The following MYO18B variants were observed in gnomAD, a reference collection of about 807,000 sequenced individuals.
MYO18B encodes unconventional myosin-XVIIIb.
A neutral mutation model predicts 273.0 loss-of-function variants in MYO18B; 204 were observed. That is an observed-to-expected ratio of 0.75 (90% confidence interval 0.67 to 0.84). The LOEUF (loss-of-function observed/expected upper bound fraction) is 0.84, where lower values mean the gene tolerates loss of function less well. Among genes scored for constraint, MYO18B ranks in the 40% least tolerant of loss-of-function variants. MYO18B has a pLI of 0.00. For missense variants in MYO18B, 3,212 were observed against 3,287.6 expected, an observed-to-expected ratio of 0.98 and a Z score of 0.56; for synonymous variants, 1,330 against 1,305.7, an observed-to-expected ratio of 1.02 and a Z score of -0.40.
intron 25 of MYO18B, among the ~76,000 whole-genome samples, chr22:25,889,251 A>G (rs1445753582): frequency 6.6e-6 from 1 of 152,154 alleles, no homozygotes; most frequent in Admixed American, 6.5e-5. Context: ...GAGCCTGCCT[A>G]AGCTGACAGT....
In MYO18B at chr22:25,952,350, G is replaced by C. The variant is rs749922568; in HGVS notation, c.5897G>C (p.Ser1966Thr). The C allele has an allele frequency of 1.1e-5, 17 of 1,612,412 alleles. No individual in the cohort carries two copies. The Admixed American group carries it at 2.8e-4, about 27-fold the overall frequency. The change falls in exon 38 of 44, where the codon AGC (serine) becomes ACC (threonine). Residue 1966 changes from serine (S) to threonine (T), a missense_variant. Physicochemically the swap from Ser to Thr is moderately conservative, Grantham distance 58 (BLOSUM62 1). Coordinates refer to ENST00000335473, the MANE Select transcript of MYO18B (RefSeq NM_032608.7). ...TCCACCGTGGATCGAGCCATCGTCA[G>C]CAGGCAGGAGGCGGTCATCTGTGAC... ...EQSTVDRAIV[S>T]RQEAVICDLE...
intron 1 of MYO18B, among the ~76,000 whole-genome samples, chr22:25,751,940 T>C (rs2085941026): frequency 6.6e-6 from 1 of 152,214 alleles, no homozygotes; most frequent in East Asian, 1.9e-4. Context: ...ATGCTTGTTA[T>C]GTGGGTGTCC....
At position 25,968,916 on chromosome 22, in the gene MYO18B, G is replaced by A. The variant is rs117214962; in HGVS notation, c.6156+13552G>A. On this transcript the variant is annotated intron_variant, in intron 39 of 43. Transcript: ENST00000335473. ...TCTCAAATGGCTGATAGTCATGGTG[G>A]CAGCTTCCTCTGAAACAAGCACATT... Among the ~76,000 whole-genome samples, 127 of 152,302 alleles carry A rather than the reference G, an allele frequency of 8.3e-4. 1 individual carries two copies. In the East Asian group the frequency reaches 0.023, roughly 27 times the overall value.
At chr22:25,938,131 C>T (rs2092602956) in intron 34 of MYO18B, among the ~76,000 whole-genome samples, 1 of 152,104 alleles carries the variant, frequency 6.6e-6, no homozygotes. Flanking sequence ...GTTGTTCAAC[C>T]AGACCCAGAA....
intron 10 of MYO18B, 81 bp from the exon 11 acceptor site, chr22:25,785,347 C>T: frequency 1.4e-6 from 2 of 1,392,804 alleles, no homozygotes; most frequent in Non-Finnish European, 2.0e-6. Flanking sequence ...TTGTGTGGAG[C>T]CTCACACTGT....
In MYO18B at chr22:25,832,964, C is replaced by T. The variant is rs760823712; in HGVS notation, c.3027C>T (p.Thr1009=). 3.1e-6 allele frequency: 5 copies of T among 1,613,846 alleles called. No homozygotes were observed. The highest frequency in any genetic ancestry group is 4.2e-6 in the Non-Finnish European group (5 of 1,179,856). The change falls in exon 16 of 44, where the codon ACC becomes ACT. Residue 1009 remains threonine (T), a synonymous_variant. Transcript: ENST00000335473. The part of the protein sequence containing the change: ...QFDLPDPSPG[T]TVAVVDQNPS... ...ACCTCCCGGACCCCTCCCCAGGGAC[C>T]ACCGTGGCTGTTGTGGATCAAAATC...
chr22:25,829,092 A>G (rs1192368208), intron 15 of MYO18B, 124 bp downstream of exon 15: 14 of 1,116,014 alleles, frequency 1.3e-5, no homozygotes, highest in Non-Finnish European at 1.6e-5. Context: ...TCACCAGAGA[A>G]CAAAGCCCTT....
intron 27 of MYO18B, chr22:25,894,874 A>G (rs1370228812): frequency 3.7e-6 from 1 of 269,640 alleles, no homozygotes; most frequent in Non-Finnish European, 7.1e-6. Flanking sequence ...ATATGAATAC[A>G]CTTATAGAGA....
chr22:26,030,116 A>G lies in MYO18B; in HGVS notation c.*13-327A>G, dbSNP rs568317494. ...CCAGGCACAGTGGCTCATGCCCATAATCCCAGTTCTTTGGGAGGCTGAGGC... is the reference window on the plus strand; with the variant it reads ...CCAGGCACAGTGGCTCATGCCCATAGTCCCAGTTCTTTGGGAGGCTGAGGC... On this transcript the variant is annotated intron_variant, in intron 43 of 43. Coordinates refer to ENST00000335473, the MANE Select transcript of MYO18B (RefSeq NM_032608.7). 3.9e-5 allele frequency among the ~76,000 whole-genome samples: 6 copies of G among 152,248 alleles called. No homozygotes were observed. In the South Asian group the frequency reaches 1.2e-3, roughly 32 times the overall value.
At chr22:25,842,731 CA>C in intron 17 of MYO18B, among the ~76,000 whole-genome samples, 1 of 151,314 alleles carries the variant, frequency 6.6e-6, no homozygotes, top group Non-Finnish European at 1.5e-5. Context: ...ACAGCTATCC[CA>C]AACCTGTGAC....
chr22:25,859,168 C>T (rs2090658369), intron 21 of MYO18B, among the ~76,000 whole-genome samples: 1 of 152,040 alleles, frequency 6.6e-6, no homozygotes. Flanking sequence ...CCCTTCTATA[C>T]AATGAAGGCT....
intron 39 of MYO18B, among the ~76,000 whole-genome samples, chr22:25,957,409 C>T (rs2092866398): frequency 6.6e-6 from 1 of 152,138 alleles, no homozygotes; most frequent in Non-Finnish European, 1.5e-5. Context: ...AACACAAAAC[C>T]TTAAAGAGCT....
intron 3 of MYO18B, among the ~76,000 whole-genome samples, chr22:25,763,821 A>C (rs2086412084): frequency 6.6e-6 from 1 of 152,240 alleles, no homozygotes; most frequent in Admixed American, 6.5e-5. Flanking sequence ...TCATTGATGC[A>C]TGGTTGGTGG....
chr22:25,948,193 C>T (rs2092737462), intron 36 of MYO18B, among the ~76,000 whole-genome samples: 1 of 152,118 alleles, frequency 6.6e-6, no homozygotes, highest in Non-Finnish European at 1.5e-5. Flanking sequence ...ATCCATCCAT[C>T]CGTCCATCCA....
Position 25,752,316 on chromosome 22 carries a change from T to C in MYO18B, c.-109-8668T>C, listed in dbSNP as rs554773267. On this transcript the variant is annotated intron_variant, in intron 1 of 43. Transcript: ENST00000335473. The stretch of plus-strand genomic sequence containing the variant: ...CATTCTCCTGCCTCAGCCTCCCAAG[T>C]AGCTGGGACTACAGGCGCCCGCCAC... Among the ~76,000 whole-genome samples the C allele has an allele frequency of 7.3e-5, 11 of 150,232 alleles. No homozygotes were observed. In the East Asian group the frequency reaches 2.2e-3, roughly 29 times the overall value.
intron 27 of MYO18B, among the ~76,000 whole-genome samples, chr22:25,891,638 A>G (rs1262202343): frequency 6.6e-6 from 1 of 152,256 alleles, no homozygotes; most frequent in Non-Finnish European, 1.5e-5. Context: ...AATTATCTGT[A>G]TGATATGTGC....
chr22:25,962,337 GAA>G (rs1279781568), intron 39 of MYO18B, among the ~76,000 whole-genome samples: 2 of 152,184 alleles, frequency 1.3e-5, no homozygotes, highest in African/African-American at 4.8e-5. Context: ...CCTAGAGAGA[GAA>G]ACCCTGAGAG....
chr22:25,766,146 A>T (rs1253953588), intron 3 of MYO18B, among the ~76,000 whole-genome samples: 1 of 152,016 alleles, frequency 6.6e-6, no homozygotes, highest in Admixed American at 6.6e-5. Context: ...AGGGCATCTA[A>T]TATGCCGCAG....
intron 39 of MYO18B, among the ~76,000 whole-genome samples, chr22:25,975,715 G>C (rs945021326): frequency 2.0e-5 from 3 of 152,176 alleles, no homozygotes; most frequent in Non-Finnish European, 4.4e-5. Flanking sequence ...CAGATCACCC[G>C]GGGATATTGT....
Sources: allele counts gnomAD v4.1 joint callset (sites outside exome capture counted in the v4.1 genomes callset), GRCh38; gene constraint gnomAD v4.1.1; transcripts MANE v1.5; gene names NCBI Gene and HGNC (gene_info 2026-07-23, HGNC 2026-07-21).